RPTOR: variants seen among roughly 807,000 people sequenced by gnomAD.
The protein encoded by RPTOR is regulatory-associated protein of mTOR.
RPTOR carries 21 observed loss-of-function variants against 169.9 expected under a neutral mutation model. That is an observed-to-expected ratio of 0.12 (90% confidence interval 0.09 to 0.18). The LOEUF is 0.18. RPTOR is among the 10% of genes least tolerant of loss of function. RPTOR has a pLI of 1.00. For missense variants in RPTOR, 1,133 were observed against 1,855.9 expected, an observed-to-expected ratio of 0.61 and a Z score of 7.16; for synonymous variants, 732 against 753.2, an observed-to-expected ratio of 0.97 and a Z score of 0.46.
intron 16 of RPTOR, among the ~76,000 whole-genome samples, chr17:80,884,560 C>T (rs186341610): frequency 2.5e-4 from 38 of 152,350 alleles, no homozygotes; most frequent in African/African-American, 8.9e-4. Context: ...TCCCCGGACC[C>T]CAGGGCCAGC....
chr17:80,920,827 T>C (rs1038303872), intron 21 of RPTOR, among the ~76,000 whole-genome samples: 10 of 152,266 alleles, frequency 6.6e-5, no homozygotes, highest in Admixed American at 6.5e-5. Context: ...AAGGCACATA[T>C]AAAGTTCACA....
intron 7 of RPTOR, among the ~76,000 whole-genome samples, chr17:80,809,142 C>A (rs1266742392): frequency 6.6e-6 from 1 of 152,226 alleles, no homozygotes; most frequent in Non-Finnish European, 1.5e-5. Flanking sequence ...AACAGCGTGC[C>A]AGTTGTGGCG....
In RPTOR at chr17:80,577,482, T is replaced by A. The variant is rs1472253103; in HGVS notation, c.162+31691T>A. Among the ~76,000 whole-genome samples the A allele has an allele frequency of 2.6e-5, 4 of 152,280 alleles. No individual in the cohort carries two copies. In the East Asian group the frequency reaches 7.7e-4, roughly 29 times the overall value. The stretch of plus-strand genomic sequence containing the variant: ...TTTATAGAGCTAGGGTCTTCCTATG[T>A]GGCCCAGGCTTGTCTTGAACTGCTG... On this transcript the variant is annotated intron_variant, in intron 1 of 33. Transcript: ENST00000306801.
rs2084264875 is a variant in RPTOR at position 80,545,615 on chromosome 17, C to T, written c.-15C>T. On this transcript the variant is annotated 5_prime_UTR_variant, in exon 1 of 34. Coordinates refer to ENST00000306801, the MANE Select transcript of RPTOR (RefSeq NM_020761.3). ...GCGCTTGCTGCCAAGGACTCCCCCA[C>T]CCCCTCCCCCACTGATGGAGTCCGA... The T allele has an allele frequency of 1.3e-6, 2 of 1,597,060 alleles. No individual in the cohort carries two copies. Among genetic ancestry groups the T allele is most frequent in the Non-Finnish European group, 1.7e-6 (2 of 1,170,728 alleles).
chr17:80,640,889 C>T (rs930604674), intron 2 of RPTOR, among the ~76,000 whole-genome samples: 3 of 152,212 alleles, frequency 2.0e-5, no homozygotes, highest in Non-Finnish European at 4.4e-5. Context: ...AGTTTTCTGA[C>T]CATAGATGAC....
At chr17:80,658,712 T>C (rs914474548) in intron 3 of RPTOR, among the ~76,000 whole-genome samples, 3 of 149,616 alleles carry the variant, frequency 2.0e-5, no homozygotes, top group South Asian at 2.1e-4. Context: ...ATTTCTCATG[T>C]TCTGTTCCGA....
chr17:80,819,600 T>C (rs2067358812), intron 7 of RPTOR, among the ~76,000 whole-genome samples: 1 of 152,228 alleles, frequency 6.6e-6, no homozygotes, highest in African/African-American at 2.4e-5. Flanking sequence ...TATGGTTGGT[T>C]CCTGGAAGTT....
At chr17:80,822,371 A>G (rs2067389068) in intron 8 of RPTOR, 70 bp downstream of exon 8, 3 of 1,444,154 alleles carry the variant, frequency 2.1e-6, no homozygotes, top group East Asian at 2.3e-5. Flanking sequence ...ACTCTCGGAC[A>G]TGAGAGGAGT....
chr17:80,832,916 T>C (rs1377130176), intron 9 of RPTOR, among the ~76,000 whole-genome samples: 1 of 152,192 alleles, frequency 6.6e-6, no homozygotes, highest in Non-Finnish European at 1.5e-5. Context: ...CTAACAAACA[T>C]TGAGGTTAAA....
intron 1 of RPTOR, among the ~76,000 whole-genome samples, chr17:80,623,589 G>A (rs56164747): frequency 0.055 from 8,371 of 152,050 alleles, 290 homozygotes; most frequent in Non-Finnish European, 0.082. Context: ...AGGTTGGAGT[G>A]CAGTGGTACC....
intron 6 of RPTOR, among the ~76,000 whole-genome samples, chr17:80,779,453 G>A (rs1038293639): frequency 1.3e-5 from 2 of 152,188 alleles, no homozygotes; most frequent in African/African-American, 2.4e-5. Context: ...AGCAGCGTGC[G>A]GATCTCCTCA....
At chr17:80,689,311 G>A (rs1328039101) in intron 3 of RPTOR, among the ~76,000 whole-genome samples, 1 of 152,228 alleles carries the variant, frequency 6.6e-6, no homozygotes, top group East Asian at 1.9e-4. Context: ...AATCATTTAT[G>A]TACTCACAGA....
intron 1 of RPTOR, among the ~76,000 whole-genome samples, chr17:80,615,946 T>C (rs2065306436): frequency 6.6e-6 from 1 of 152,152 alleles, no homozygotes; most frequent in South Asian, 2.1e-4. Context: ...TTGGAACGGC[T>C]TCATGAGATG....
chr17:80,693,562 G>A lies in RPTOR; in HGVS notation c.349-14279G>A, dbSNP rs149559546. ...GAGTCGATGATTTTACAAATTTCAC[G>A]TAACTCTGCCCTTACTGGGCAGACA... On this transcript the variant is annotated intron_variant, in intron 3 of 33. Transcript: ENST00000306801. 1.4e-3 allele frequency among the ~76,000 whole-genome samples: 212 copies of A among 152,322 alleles called. 2 individuals carry two copies. The highest frequency in any genetic ancestry group is 6.2e-3 in the East Asian group (32 of 5,190).
intron 3 of RPTOR, among the ~76,000 whole-genome samples, chr17:80,677,112 T>C (rs2065866692): frequency 6.6e-6 from 1 of 152,198 alleles, no homozygotes; most frequent in Non-Finnish European, 1.5e-5. Flanking sequence ...CTTTTGGTTG[T>C]TTATTGTGAT....
At chr17:80,652,155 G>A (rs2065645707) in intron 3 of RPTOR, among the ~76,000 whole-genome samples, 1 of 151,488 alleles carries the variant, frequency 6.6e-6, no homozygotes, top group African/African-American at 2.4e-5. Context: ...GGGTGACAGA[G>A]CGAGACTCCA....
intron 5 of RPTOR, among the ~76,000 whole-genome samples, chr17:80,752,175 C>T (rs898085730): frequency 5.3e-5 from 8 of 152,212 alleles, no homozygotes; most frequent in African/African-American, 1.9e-4. Flanking sequence ...CTTGTTTTGT[C>T]TGTTCCCTGT....
chr17:80,851,689 G>A (rs575702465), intron 11 of RPTOR, among the ~76,000 whole-genome samples: 15 of 152,324 alleles, frequency 9.8e-5, no homozygotes, highest in African/African-American at 2.4e-4. Flanking sequence ...TGGGACACTC[G>A]GGACCACATC....
chr17:80,624,425 G>GA (rs1340531027), intron 1 of RPTOR, among the ~76,000 whole-genome samples: 1 of 152,032 alleles, frequency 6.6e-6, no homozygotes, highest in Non-Finnish European at 1.5e-5. Flanking sequence ...TGATTAATTT[G>GA]AAAAAGATAA....
Sources: gnomAD v4.1 joint callset for allele counts (sites outside exome capture counted in the v4.1 genomes callset) on GRCh38, gnomAD v4.1.1 for gene constraint, MANE v1.5 for transcripts, NCBI Gene and HGNC (gene_info 2026-07-23, HGNC 2026-07-21) for gene names.